The following OTOGL variants were observed in gnomAD, a reference collection of about 807,000 sequenced individuals.
OTOGL encodes otogelin-like protein.
A neutral mutation model predicts 318.5 loss-of-function variants in OTOGL; 285 were observed. The observed-to-expected ratio is 0.89, with a 90% confidence interval of 0.81 to 0.99. OTOGL has a LOEUF of 0.99. OTOGL is among the 50% of genes least tolerant of loss of function. The pLI, the probability that OTOGL is intolerant of heterozygous loss-of-function variation, is 0.00. For synonymous variants in OTOGL, 987 were observed against 936.5 expected, an observed-to-expected ratio of 1.05 and a Z score of -0.99; for missense variants, 2,899 against 2,845.6, an observed-to-expected ratio of 1.02 and a Z score of -0.43.
Position 80,371,905 on chromosome 12 carries a change from AAG to A in OTOGL, c.6736-113_6736-112del, listed in dbSNP as rs201680829. ...GTTAAATTCCAACTATTTTTCTATG[AAG>A]GCTTTGTGGTATTTGATAAAAGTTT... On this transcript the variant is annotated intron_variant, in intron 56 of 58. Coordinates refer to ENST00000547103, the MANE Select transcript of OTOGL (RefSeq NM_001378609.3). 0.78 allele frequency: 415,976 copies of A among 534,766 alleles called. 165,162 individuals are homozygous for A. Among genetic ancestry groups the A allele is most frequent in the Non-Finnish European group, 0.83 (275,026 of 331,832 alleles). The allele number at this position is 534,766 out of a possible 1,614,324, so 33.1% of individuals were successfully genotyped here.
intron 1 of OTOGL, among the ~76,000 whole-genome samples, chr12:80,170,095 A>G (rs974583714): frequency 1.3e-5 from 2 of 152,028 alleles, no homozygotes; most frequent in African/African-American, 2.4e-5. Context: ...AATTTTCCAG[A>G]GTGGTTATAC....
At chr12:80,255,389 C>T (rs763898039) in intron 16 of OTOGL, among the ~76,000 whole-genome samples, 55 of 151,938 alleles carry the variant, frequency 3.6e-4, no homozygotes, top group African/African-American at 1.2e-3. Context: ...GGTTACATGA[C>T]GCATCTTGAT....
Position 80,270,058 on chromosome 12 carries a change from A to G in OTOGL, c.2466-44A>G, listed in dbSNP as rs201335759. ...TCGAAATTCAGGGAAAAAAAAAAAA[A>G]CAACAGATTTGGTTCCATAAATTAA... is the stretch of plus-strand genomic sequence containing the variant. On this transcript the variant is annotated intron_variant, in intron 22 of 58. Coordinates refer to ENST00000547103, the MANE Select transcript of OTOGL (RefSeq NM_001378609.3). 8.9e-6 allele frequency: 12 copies of G among 1,354,674 alleles called. 1 individual carries two copies. Among genetic ancestry groups the G allele is most frequent in the Non-Finnish European group, 1.2e-5 (12 of 978,830 alleles). 83.9% of individuals were successfully genotyped at this position (1,354,674 alleles called of 1,614,324 possible).
In OTOGL at chr12:80,262,075, A is replaced by G. The variant is rs549631696; in HGVS notation, c.1996A>G (p.Asn666Asp). 1.1e-5 allele frequency: 17 copies of G among 1,608,902 alleles called. No individual in the cohort carries two copies. In the South Asian group the frequency reaches 1.9e-4, roughly 18 times the overall value. The change falls in exon 19 of 59, where the codon AAC becomes GAC. Residue 666 changes from asparagine to aspartate, a missense_variant. Around this residue, in one of 3 missense-constraint regions of OTOGL, gnomAD observed 2,607 missense variants for 2,524.9 expected, o/e 1.03. Transcript: ENST00000547103. ...PVHVPVVDPCNINQQNIGYAA... is the reference protein window; with the variant it reads ...PVHVPVVDPCDINQQNIGYAA... ...TCATGTCCCAGTGGTGGACCCCTGTAACATCAATCAACAAAACAGTAAGTT... is the reference window on the plus strand; with the variant it reads ...TCATGTCCCAGTGGTGGACCCCTGTGACATCAATCAACAAAACAGTAAGTT...
chr12:80,366,642 C>T lies in OTOGL; in HGVS notation c.6331+5C>T. The T allele has an allele frequency of 2.2e-6, 3 of 1,354,180 alleles. 1 individual carries two copies. The South Asian group carries it at 5.5e-5, about 25-fold the overall frequency. 83.9% of individuals were successfully genotyped at this position (1,354,180 alleles called of 1,614,324 possible). A position where few individuals can be genotyped will look rare whatever the true frequency, so the allele number is the denominator to read the frequency against. On this transcript the variant is annotated splice_donor_5th_base_variant and intron_variant, in intron 53 of 58. Transcript: ENST00000547103. The stretch of plus-strand genomic sequence containing the variant: ...GATGCATACAGTATCTCTGTGGTAA[C>T]TATGTCTTTTGTAACTTTTAAATTA...
intron 19 of OTOGL, among the ~76,000 whole-genome samples, chr12:80,262,322 T>C (rs1023840151): frequency 2.0e-5 from 3 of 152,136 alleles, no homozygotes; most frequent in African/African-American, 7.2e-5. Flanking sequence ...TTATTTCCTA[T>C]TTTTATTTCA....
chr12:80,229,416 C>A lies in OTOGL; in HGVS notation c.611+38C>A, dbSNP rs992333587. 4 of 1,563,112 alleles carry A rather than the reference C, an allele frequency of 2.6e-6. No individual in the cohort carries two copies. The African/African-American group carries it at 5.4e-5, about 21-fold the overall frequency. ...AAACAGTGAAATGTCAGTAACACCA[C>A]AAATTAATAGAATTTCCAAACATCA... On this transcript the variant is annotated intron_variant, in intron 8 of 58. Coordinates refer to ENST00000547103, the MANE Select transcript of OTOGL (RefSeq NM_001378609.3).
intron 44 of OTOGL, among the ~76,000 whole-genome samples, chr12:80,351,372 G>T (rs2400784): frequency 0.73 from 110,213 of 151,714 alleles, 41,583 homozygotes; most frequent in Non-Finnish European, 0.84. Context: ...CTGGAGCACA[G>T]TGGTGCGATC....
At chr12:80,281,339 G>T (rs1010692183) in intron 26 of OTOGL, among the ~76,000 whole-genome samples, 1 of 151,786 alleles carries the variant, frequency 6.6e-6, no homozygotes, top group Non-Finnish European at 1.5e-5. Flanking sequence ...GTTTGTCATA[G>T]AAGGCTGTTA....
chr12:80,326,904 G>C (rs896735965), intron 35 of OTOGL, among the ~76,000 whole-genome samples: 1 of 152,150 alleles, frequency 6.6e-6, no homozygotes, highest in Admixed American at 6.5e-5. Context: ...TACCTTTAGT[G>C]CCGAGTTAGT....
chr12:80,271,276 C>T (rs1305938397), intron 23 of OTOGL, among the ~76,000 whole-genome samples: 1 of 152,050 alleles, frequency 6.6e-6, no homozygotes, highest in Non-Finnish European at 1.5e-5. Flanking sequence ...CCTGTCCTGA[C>T]TATAGTTATG....
At chr12:80,181,045 G>A (rs1874883883) in intron 1 of OTOGL, among the ~76,000 whole-genome samples, 1 of 152,074 alleles carries the variant, frequency 6.6e-6, no homozygotes, top group African/African-American at 2.4e-5. Context: ...AGGGCAAAGA[G>A]GTTATCTTGT....
At chr12:80,181,629 G>A (rs940187051) in intron 1 of OTOGL, among the ~76,000 whole-genome samples, 1 of 149,694 alleles carries the variant, frequency 6.7e-6, no homozygotes, top group African/African-American at 2.5e-5. Flanking sequence ...TGAGGATCAA[G>A]ATTTTTTTTT....
At chr12:80,136,960 AT>A (rs1871614097) in intron 1 of OTOGL, among the ~76,000 whole-genome samples, 1 of 152,144 alleles carries the variant, frequency 6.6e-6, no homozygotes, top group Non-Finnish European at 1.5e-5. Context: ...TAATTAGAAT[AT>A]TACTTAGCAC....
intron 1 of OTOGL, among the ~76,000 whole-genome samples, chr12:80,123,608 G>A (rs1437351658): frequency 2.6e-5 from 4 of 152,086 alleles, no homozygotes; most frequent in Non-Finnish European, 5.9e-5. Context: ...CTGAGGAATC[G>A]CCCCACTGAC....
chr12:80,156,171 A>G (rs543041480), intron 1 of OTOGL, among the ~76,000 whole-genome samples: 14 of 152,340 alleles, frequency 9.2e-5, no homozygotes, highest in African/African-American at 3.1e-4. Context: ...GCACAATCTA[A>G]TTAGCTGCCA....
rs557089482 is a variant in OTOGL, at chr12:80,262,229, A to AT, written c.2014+146dup. On this transcript the variant is annotated intron_variant, in intron 19 of 58. Coordinates refer to ENST00000547103, the MANE Select transcript of OTOGL (RefSeq NM_001378609.3). ...GTAAAATCAATGCCATTCCTCGTGT[A>AT]TTTTTTTTTTGCTTAATATTATGCC... 6.7e-3 allele frequency: 5,754 copies of AT among 860,070 alleles called. 3 individuals are homozygous for AT. The highest frequency in any genetic ancestry group is 9.9e-3 in the South Asian group (236 of 23,750). The allele number at this position is 860,070 out of a possible 1,614,324, so 53.3% of individuals were successfully genotyped here.
chr12:80,252,093 A>C lies in OTOGL; in HGVS notation c.1177A>C (p.Ser393Arg). Residue 393 changes from serine (S) to arginine (R), a missense_variant, in exon 13 of 59, where the codon AGC becomes CGC. Around this residue, in one of 3 missense-constraint regions of OTOGL, gnomAD observed 2,607 missense variants for 2,524.9 expected, o/e 1.03. Coordinates refer to ENST00000547103, the MANE Select transcript of OTOGL (RefSeq NM_001378609.3). ...TGTTTTAGCTGATAAATGTGATGAT[A>C]GCTTTGTCCATCGGGACTGTATCAG... is the stretch of plus-strand genomic sequence containing the variant. The part of the protein sequence containing the change: ...FPACTDKCDD[S>R]FVHRDCISCC... The C allele has an allele frequency of 6.5e-7, 1 of 1,549,008 alleles. No individual in the cohort carries two copies. Among genetic ancestry groups the C allele is most frequent in the Non-Finnish European group, 8.7e-7 (1 of 1,144,974 alleles).
intron 36 of OTOGL, 41 bp downstream of exon 36, chr12:80,328,785 C>T (rs373121125): frequency 2.9e-5 from 44 of 1,503,838 alleles, no homozygotes; most frequent in Middle Eastern, 1.7e-4. Context: ...AAAAATTATA[C>T]GCTTGCATAT....
Sources: gnomAD v4.1 joint callset for allele counts (sites outside exome capture counted in the v4.1 genomes callset) on GRCh38, gnomAD v4.1.1 for gene constraint, gnomAD v4.1.1 regional missense constraint, MANE v1.5 for transcripts, NCBI Gene and HGNC (gene_info 2026-07-23, HGNC 2026-07-21) for gene names.